FAF1: variants seen among roughly 807,000 people sequenced by gnomAD.
FAF1 encodes the protein Fas associated factor 1.
FAF1 carries 25 observed loss-of-function variants against 92.5 expected under a neutral mutation model. The ratio of observed to expected loss-of-function variants is 0.27; its 90% confidence interval spans 0.20 to 0.38. The LOEUF is 0.38. Among genes scored for constraint, FAF1 ranks in the 10% least tolerant of loss-of-function variants. The pLI, the probability that FAF1 is intolerant of heterozygous loss-of-function variation, is 1.00. For missense variants in FAF1, 636 were observed against 793.3 expected (o/e 0.80, Z 2.38); for synonymous variants, 234 against 273.2 (o/e 0.86, Z 1.42).
At chr1:50,493,572 GTAAT>G (rs1480520166) in intron 15 of FAF1, among the ~76,000 whole-genome samples, 2 of 151,978 alleles carry the variant, frequency 1.3e-5, no homozygotes, top group Non-Finnish European at 2.9e-5. Flanking sequence ...TACCATAATT[GTAAT>G]TAATTATCAC....
chr1:50,956,365 C>CA (rs899258365), intron 1 of FAF1, among the ~76,000 whole-genome samples: 35 of 149,482 alleles, frequency 2.3e-4, no homozygotes, highest in East Asian at 1.8e-3. Flanking sequence ...TTGAAATAGT[C>CA]AAAAAAAAAT....
intron 7 of FAF1, among the ~76,000 whole-genome samples, chr1:50,676,859 T>C (rs907201886): frequency 6.6e-6 from 1 of 152,096 alleles, no homozygotes; most frequent in East Asian, 1.9e-4. Flanking sequence ...CAAGATGTAA[T>C]TTTAAGACAT....
intron 13 of FAF1, among the ~76,000 whole-genome samples, chr1:50,564,297 T>TTTTTTTTTTTTTGAGACGGAGTCTC (rs1195965167): frequency 6.6e-6 from 1 of 152,042 alleles, no homozygotes; most frequent in African/African-American, 2.4e-5. Context: ...TAAATTTTTA[T>TTTTTTTTTTTTTGAGACGGAGTCTC]GGCCTGTCTG....
chr1:50,866,985 A>G (rs1401259371), intron 1 of FAF1, among the ~76,000 whole-genome samples: 1 of 152,204 alleles, frequency 6.6e-6, no homozygotes, highest in African/African-American at 2.4e-5. Context: ...TGGTATAAAA[A>G]TAGGCATATA....
intron 6 of FAF1, among the ~76,000 whole-genome samples, chr1:50,728,567 G>C (rs1048265189): frequency 1.3e-5 from 2 of 151,948 alleles, no homozygotes; most frequent in Admixed American, 1.3e-4. Context: ...GAGGCAAGTG[G>C]ATCACCTGAG....
chr1:50,653,997 A>AT (rs2124290377), intron 8 of FAF1, among the ~76,000 whole-genome samples: 1 of 152,350 alleles, frequency 6.6e-6, no homozygotes, highest in South Asian at 2.1e-4. Context: ...TTTTCTGATT[A>AT]TTAAAGTTTC....
chr1:50,818,946 A>C (rs1175922660), intron 2 of FAF1, among the ~76,000 whole-genome samples: 3 of 152,198 alleles, frequency 2.0e-5, no homozygotes, highest in Non-Finnish European at 4.4e-5. Flanking sequence ...ATTTCATACA[A>C]TATTTTAAAT....
intron 1 of FAF1, among the ~76,000 whole-genome samples, chr1:50,909,510 A>G (rs954670685): frequency 4.6e-5 from 7 of 152,172 alleles, no homozygotes; most frequent in Non-Finnish European, 8.8e-5. Flanking sequence ...TTTCAGGTAC[A>G]CCAATCAGAT....
At chr1:50,946,905 A>G (rs1302956091) in intron 1 of FAF1, among the ~76,000 whole-genome samples, 2 of 152,222 alleles carry the variant, frequency 1.3e-5, no homozygotes, top group Non-Finnish European at 2.9e-5. Context: ...AGAGGGAGAC[A>G]TTATCTCTAT....
intron 7 of FAF1, among the ~76,000 whole-genome samples, chr1:50,691,365 CCCCAGT>C (rs1185322560): frequency 6.6e-5 from 10 of 151,968 alleles, no homozygotes; most frequent in Non-Finnish European, 1.2e-4. Context: ...GCCTCAGCCT[CCCCAGT>C]AGCTGAGACT....
chr1:50,490,686 G>C, intron 16 of FAF1, 21 bp from the exon 17 acceptor site: 2 of 1,469,460 alleles, frequency 1.4e-6, no homozygotes, highest in Admixed American at 1.7e-5. Flanking sequence ...AACAGAAAAG[G>C]AACAAGCACT....
At chr1:50,683,935 A>G (rs563727640) in intron 7 of FAF1, among the ~76,000 whole-genome samples, 1 of 152,170 alleles carries the variant, frequency 6.6e-6, no homozygotes, top group South Asian at 2.1e-4. Flanking sequence ...TCCATCAAAA[A>G]AAAAAAAAAA....
intron 1 of FAF1, among the ~76,000 whole-genome samples, chr1:50,890,110 T>G (rs1184425841): frequency 6.6e-6 from 1 of 152,174 alleles, no homozygotes; most frequent in African/African-American, 2.4e-5. Context: ...ATCCCTTTAC[T>G]ACTATGTAAT....
At chr1:50,905,068 G>C (rs1324824134) in intron 1 of FAF1, among the ~76,000 whole-genome samples, 2 of 152,024 alleles carry the variant, frequency 1.3e-5, no homozygotes, top group African/African-American at 2.4e-5. Context: ...CCCGGTGTGT[G>C]ATGTTCCCCA....
intron 15 of FAF1, among the ~76,000 whole-genome samples, chr1:50,496,649 T>C (rs1392792889): frequency 6.6e-6 from 1 of 152,154 alleles, no homozygotes; most frequent in Non-Finnish European, 1.5e-5. Context: ...TCCTAGCACC[T>C]GGGAGGCCAA....
intron 6 of FAF1, among the ~76,000 whole-genome samples, chr1:50,721,322 C>T (rs1490196758): frequency 1.3e-5 from 2 of 152,106 alleles, no homozygotes; most frequent in African/African-American, 2.4e-5. Context: ...TCAAGCAATT[C>T]TCCTGCCTCA....
chr1:50,742,776 T>C (rs1011043922), intron 5 of FAF1, among the ~76,000 whole-genome samples: 1 of 152,226 alleles, frequency 6.6e-6, no homozygotes, highest in Non-Finnish European at 1.5e-5. Context: ...GTCAAGGTTG[T>C]TGATTTACTC....
chr1:50,594,855 G>C lies in FAF1; in HGVS notation c.840+1266C>G, dbSNP rs1333089118. Among the ~76,000 whole-genome samples, 9 of 141,202 alleles carry C rather than the reference G, an allele frequency of 6.4e-5. No individual in the cohort carries two copies. In the Admixed American group the frequency reaches 6.5e-4, roughly 10 times the overall value. 92.6% of individuals were successfully genotyped at this position (141,202 alleles called of 152,430 possible). A position where few individuals can be genotyped will look rare whatever the true frequency, so the allele number is the denominator to read the frequency against. On this transcript the variant is annotated intron_variant, in intron 9 of 18. Transcript: ENST00000396153. ...CATTGCACTCCAACCTGGGCAACAA[G>C]AGTGAAACCCCATCTCAAAAAAAAA... is the stretch of plus-strand genomic sequence containing the variant.
At position 50,695,717 on chromosome 1, in the gene FAF1, G is replaced by C. The variant is rs373972776; in HGVS notation, c.657+10069C>G. ...GGCTGGAGTGCAGTGGCGCGATCTC[G>C]GCTCACTTGCAACCTCCGCCTCCTG... On this transcript the variant is annotated intron_variant, in intron 7 of 18. Transcript: ENST00000396153. Among the ~76,000 whole-genome samples, 28 of 152,060 alleles carry C rather than the reference G, an allele frequency of 1.8e-4. No individual in the cohort carries two copies. In the South Asian group the frequency reaches 4.6e-3, roughly 25 times the overall value.
Sources: allele counts gnomAD v4.1 joint callset (sites outside exome capture counted in the v4.1 genomes callset), GRCh38; gene constraint gnomAD v4.1.1; transcripts MANE v1.5; gene names NCBI Gene and HGNC (gene_info 2026-07-23, HGNC 2026-07-21).